The following CDHR3 variants were observed in gnomAD, a reference collection of about 807,000 sequenced individuals.
CDHR3 encodes the protein cadherin related family member 3, also known as cadherin-related family member 3.
A neutral mutation model predicts 86.6 loss-of-function variants in CDHR3; 79 were observed. That is an observed-to-expected ratio of 0.91 (90% CI 0.76 to 1.10). The LOEUF (loss-of-function observed/expected upper bound fraction) is 1.10. Ranked by LOEUF, CDHR3 falls within the 50% of genes least tolerant of loss-of-function variation. The probability of loss-of-function intolerance (pLI) is 0.00; values close to 1 mark genes in which losing one functional copy is unlikely to be tolerated. For missense variants in CDHR3, 1,081 were observed against 1,077.6 expected (o/e 1.00, Z -0.04); for synonymous variants, 421 against 402.4 (o/e 1.05, Z -0.55).
Position 106,033,737 on chromosome 7 carries a change from T to A in CDHR3, c.*1040T>A, listed in dbSNP as rs907337045. On this transcript the variant is annotated 3_prime_UTR_variant, in exon 19 of 19. Coordinates refer to ENST00000317716, the MANE Select transcript of CDHR3 (RefSeq NM_152750.5). ...GCCTGGGTGACAAAGCAAGACTCCA[T>A]CTCAGAAAAAAAAAATAAAAGTGAA... 1 of 151,122 alleles carries A rather than the reference T, an allele frequency of 6.6e-6. No homozygotes were observed. Among genetic ancestry groups the A allele is most frequent in the Non-Finnish European group, 1.5e-5 (1 of 67,970 alleles). 9.4% of individuals were successfully genotyped at this position (151,122 alleles called of 1,614,324 possible).
rs1390008607 is a variant in CDHR3, at chr7:106,033,007, G to A, written c.*310G>A. The A allele has an allele frequency of 7.8e-5, 25 of 319,476 alleles. No homozygotes were observed. Among genetic ancestry groups the A allele is most frequent in the Non-Finnish European group, 5.8e-6 (1 of 172,424 alleles). 19.8% of individuals were successfully genotyped at this position (319,476 alleles called of 1,614,324 possible). On this transcript the variant is annotated 3_prime_UTR_variant, in exon 19 of 19. Transcript: ENST00000317716. ...TCTTCTTTGCATTGACTGCTAGGAA[G>A]CTCTATTCTGTTCACCATAGAAAGT...
intron 2 of CDHR3, among the ~76,000 whole-genome samples, chr7:105,978,309 C>T (rs775862465): frequency 1.1e-4 from 16 of 152,156 alleles, no homozygotes; most frequent in African/African-American, 3.1e-4. Context: ...CAGCTGGCTG[C>T]GGAGAGAGGG....
At chr7:106,007,180 C>A (rs1418172778) in intron 8 of CDHR3, among the ~76,000 whole-genome samples, 2 of 152,198 alleles carry the variant, frequency 1.3e-5, no homozygotes, top group Non-Finnish European at 2.9e-5. Context: ...AGAGAGGGAC[C>A]CAGGGCCTGG....
At chr7:105,992,528 G>C (rs1424778101) in intron 4 of CDHR3, among the ~76,000 whole-genome samples, 2 of 152,194 alleles carry the variant, frequency 1.3e-5, no homozygotes, top group East Asian at 1.9e-4. Context: ...AATCTGTGGG[G>C]CTGGGAGAAG....
Position 106,012,430 on chromosome 7 carries a change from A to G in CDHR3, c.1053-430A>G, listed in dbSNP as rs535205553. Reference sequence around the variant, plus strand: ...GGGGAGAGGATTCCACAGCTAGTGCAGGGAAGCTGAGGCCAGAGCCTCATG... The same window carrying G: ...GGGGAGAGGATTCCACAGCTAGTGCGGGGAAGCTGAGGCCAGAGCCTCATG... On this transcript the variant is annotated intron_variant, in intron 8 of 18. Coordinates refer to ENST00000317716, the MANE Select transcript of CDHR3 (RefSeq NM_152750.5). 6.6e-5 allele frequency among the ~76,000 whole-genome samples: 10 copies of G among 152,264 alleles called. No individual in the cohort carries two copies. The East Asian group carries it at 9.7e-4, about 15-fold the overall frequency.
At chr7:106,003,661 A>T (rs143429721) in intron 7 of CDHR3, among the ~76,000 whole-genome samples, 1 of 152,244 alleles carries the variant, frequency 6.6e-6, no homozygotes, top group African/African-American at 2.4e-5. Flanking sequence ...TCCCACCTTT[A>T]TAAGTCCTGA....
intron 4 of CDHR3, among the ~76,000 whole-genome samples, chr7:105,989,870 C>G (rs1482180116): frequency 2.6e-5 from 4 of 152,300 alleles, no homozygotes; most frequent in Admixed American, 6.5e-5. Flanking sequence ...CCTGTCCCCA[C>G]CATACACCCC....
At chr7:105,979,705 G>A (rs944677868) in intron 2 of CDHR3, among the ~76,000 whole-genome samples, 1 of 152,214 alleles carries the variant, frequency 6.6e-6, no homozygotes, top group African/African-American at 2.4e-5. Context: ...GTTCAGTGGT[G>A]GAGATGGAGT....
chr7:105,998,699 G>A (rs528216718), intron 6 of CDHR3, among the ~76,000 whole-genome samples: 4 of 152,072 alleles, frequency 2.6e-5, no homozygotes, highest in East Asian at 1.9e-4. Context: ...CAGGAGAATC[G>A]CTTGAACCCA....
chr7:105,978,333 C>T (rs1295304804), intron 2 of CDHR3, among the ~76,000 whole-genome samples: 1 of 152,174 alleles, frequency 6.6e-6, no homozygotes, highest in African/African-American at 2.4e-5. Context: ...CTCTGAAGTC[C>T]TGTGGAGGCC....
intron 16 of CDHR3, among the ~76,000 whole-genome samples, chr7:106,027,062 A>C (rs1837463041): frequency 6.6e-6 from 1 of 152,176 alleles, no homozygotes; most frequent in African/African-American, 2.4e-5. Flanking sequence ...GGGTGTCCTG[A>C]GGACAGCTAA....
intron 12 of CDHR3, among the ~76,000 whole-genome samples, chr7:106,019,514 A>G (rs1836220154): frequency 6.6e-6 from 1 of 152,128 alleles, no homozygotes; most frequent in African/African-American, 2.4e-5. Flanking sequence ...TATGAATATG[A>G]CTCAAAATTC....
Position 106,001,520 on chromosome 7 carries a change from A to T in CDHR3, c.772A>T (p.Ile258Phe). The change falls in exon 7 of 19, where the codon ATC becomes TTC. Residue 258 changes from isoleucine (I) to phenylalanine (F), a missense_variant. Coordinates refer to ENST00000317716, the MANE Select transcript of CDHR3 (RefSeq NM_152750.5). ...GAGTCCAGGAACCATCGTGGCCAATATCACAGCGGAGGATCCTGATGATGA... is the reference window on the plus strand; with the variant it reads ...GAGTCCAGGAACCATCGTGGCCAATTTCACAGCGGAGGATCCTGATGATGA... The part of the protein sequence containing the change: ...ELSPGTIVAN[I>F]TAEDPDDEGF... The T allele has an allele frequency of 6.2e-7, 1 of 1,614,008 alleles. No homozygotes were observed. Among genetic ancestry groups the T allele is most frequent in the African/African-American group, 1.3e-5 (1 of 75,026 alleles).
Position 105,963,383 on chromosome 7 carries a change from T to C in CDHR3, c.46+19T>C. The C allele has an allele frequency of 6.2e-7, 1 of 1,613,396 alleles. No homozygotes were observed. Among genetic ancestry groups the C allele is most frequent in the East Asian group, 2.2e-5 (1 of 44,878 alleles). On this transcript the variant is annotated intron_variant, in intron 1 of 18. Coordinates refer to ENST00000317716, the MANE Select transcript of CDHR3 (RefSeq NM_152750.5). Reference sequence around the variant, plus strand: ...ATGTCAGGTAGGAACTCAATTTTGCTTTGGAACCTTGCTTGCCTACTTGGT... The same window carrying C: ...ATGTCAGGTAGGAACTCAATTTTGCCTTGGAACCTTGCTTGCCTACTTGGT...
At chr7:106,027,368 G>T (rs1837518536) in intron 16 of CDHR3, among the ~76,000 whole-genome samples, 1 of 149,926 alleles carries the variant, frequency 6.7e-6, no homozygotes, top group Admixed American at 6.7e-5. Context: ...CTGCACTCCA[G>T]ACTGGGCGAC....
At chr7:106,004,408 G>A in intron 7 of CDHR3, 90 bp from the exon 8 acceptor site, 2 of 1,002,062 alleles carry the variant, frequency 2.0e-6, no homozygotes, top group East Asian at 2.6e-5. Context: ...TCTTCCTCAT[G>A]TTCGAATGGT....
At position 106,004,008 on chromosome 7, in the gene CDHR3, A is replaced by G. The variant is rs77968346; in HGVS notation, c.863-490A>G. Among the ~76,000 whole-genome samples the G allele has an allele frequency of 7.0e-3, 1,061 of 150,896 alleles. 1 individual carries two copies. The highest frequency in any genetic ancestry group is 0.017 in the Middle Eastern group (5 of 288). On this transcript the variant is annotated intron_variant, in intron 7 of 18. Coordinates refer to ENST00000317716, the MANE Select transcript of CDHR3 (RefSeq NM_152750.5). The stretch of plus-strand genomic sequence containing the variant: ...CCTAACCAAAAAAAAAAAAAAAAAA[A>G]AAAGAAAGAAAAAAAAGGCAGGCAC...
In CDHR3 at chr7:106,004,672, A is replaced by C. The variant is rs767975111; in HGVS notation, c.1037A>C (p.Gln346Pro). The C allele has an allele frequency of 1.2e-6, 2 of 1,613,884 alleles. No homozygotes were observed. The highest frequency in any genetic ancestry group is 1.7e-6 in the Non-Finnish European group (2 of 1,179,890). The stretch of plus-strand genomic sequence containing the variant: ...GTCAACGACAATCCTGCCACATGCC[A>C]AAAGTTCACCTTCAGGTATGCACAC... ...EDVNDNPATC[Q>P]KFTFSIMVPE... Residue 346 changes from glutamine to proline, a missense_variant, in exon 8 of 19, where the codon CAA becomes CCA. By Grantham distance (76) the Gln-to-Pro change is moderately conservative (BLOSUM62 -1). Coordinates refer to ENST00000317716, the MANE Select transcript of CDHR3 (RefSeq NM_152750.5).
intron 2 of CDHR3, among the ~76,000 whole-genome samples, 189 bp from the exon 3 acceptor site, chr7:105,980,779 T>C (rs1210175841): frequency 2.0e-5 from 3 of 152,094 alleles, no homozygotes; most frequent in Non-Finnish European, 4.4e-5. Flanking sequence ...CAGGAGTCCC[T>C]TTAGTGAAGT....
Sources: gnomAD v4.1 joint callset for allele counts (sites outside exome capture counted in the v4.1 genomes callset) on GRCh38, gnomAD v4.1.1 for gene constraint, MANE v1.5 for transcripts, NCBI Gene and HGNC (gene_info 2026-07-23, HGNC 2026-07-21) for gene names.